CYRIB: variants seen among roughly 807,000 people sequenced by gnomAD.
CYRIB encodes CYFIP-related Rac1 interactor B.
CYRIB carries 8 observed loss-of-function variants against 44.2 expected under a neutral mutation model. That is an observed-to-expected ratio of 0.18 (90% CI 0.11 to 0.33). CYRIB has a LOEUF of 0.33. CYRIB is among the 10% of genes least tolerant of loss of function. The pLI, the probability that CYRIB is intolerant of heterozygous loss-of-function variation, is 1.00. For missense variants in CYRIB, 185 were observed against 382.8 expected (o/e 0.48, Z 4.31); for synonymous variants, 131 against 127.2 (o/e 1.03, Z -0.20).
chr8:129,951,320 A>T (rs544803643), intron 2 of CYRIB, among the ~76,000 whole-genome samples: 41 of 151,602 alleles, frequency 2.7e-4, no homozygotes, highest in Non-Finnish European at 5.0e-4. Context: ...AAAACAAAGC[A>T]AAAAAATAAT....
chr8:129,917,633 C>T (rs1381323008), intron 1 of CYRIB, among the ~76,000 whole-genome samples: 7 of 152,174 alleles, frequency 4.6e-5, no homozygotes, highest in African/African-American at 1.2e-4. Context: ...CCAAGGCGGG[C>T]GGATCATGAG....
intron 1 of CYRIB, among the ~76,000 whole-genome samples, chr8:129,933,185 A>G (rs183247018): frequency 6.6e-6 from 1 of 152,260 alleles, no homozygotes; most frequent in East Asian, 1.9e-4. Flanking sequence ...AATGACCCAA[A>G]GTGAATATAA....
chr8:129,977,593 G>T (rs1412795106), intron 1 of CYRIB, among the ~76,000 whole-genome samples: 2 of 150,606 alleles, frequency 1.3e-5, no homozygotes, highest in African/African-American at 4.9e-5. Flanking sequence ...GTGCAGTGGA[G>T]CGATCTCGGC....
chr8:129,943,451 A>G (rs532803730), upstream of CYRIB, among the ~76,000 whole-genome samples: 66 of 151,438 alleles, frequency 4.4e-4, no homozygotes, highest in African/African-American at 1.6e-3. Flanking sequence ...AAATTAACCA[A>G]ACATGGTGGC....
chr8:129,982,612 A>C (rs2096279549), intron 1 of CYRIB, among the ~76,000 whole-genome samples: 1 of 152,208 alleles, frequency 6.6e-6, no homozygotes, highest in South Asian at 2.1e-4. Flanking sequence ...TAATCCTCAC[A>C]AACTTACTTT....
intron 3 of CYRIB, among the ~76,000 whole-genome samples, chr8:129,872,095 T>C (rs996261811): frequency 6.6e-6 from 1 of 152,234 alleles, no homozygotes; most frequent in African/African-American, 2.4e-5. Flanking sequence ...AGGATATATA[T>C]ATCTAACAAC....
At chr8:129,969,519 C>G (rs2095612416) in intron 2 of CYRIB, among the ~76,000 whole-genome samples, 1 of 152,210 alleles carries the variant, frequency 6.6e-6, no homozygotes, top group Non-Finnish European at 1.5e-5. Context: ...AAAATTGTAT[C>G]TACTCAAGGG....
At chr8:129,869,042 A>G (rs910491706) in intron 4 of CYRIB, among the ~76,000 whole-genome samples, 2 of 144,106 alleles carry the variant, frequency 1.4e-5, no homozygotes, top group African/African-American at 5.2e-5. Context: ...AAAAAAGCCT[A>G]AGAGTTCTAT....
chr8:129,870,017 G>GA (rs943418731), intron 4 of CYRIB, among the ~76,000 whole-genome samples: 2 of 151,894 alleles, frequency 1.3e-5, no homozygotes, highest in Non-Finnish European at 2.9e-5. Context: ...ATGAAAGGAA[G>GA]GTCATTCCAG....
intron 1 of CYRIB, among the ~76,000 whole-genome samples, chr8:129,922,886 C>T (rs997298461): frequency 2.7e-5 from 4 of 149,152 alleles, no homozygotes; most frequent in Non-Finnish European, 5.9e-5. Flanking sequence ...AAAAAAGATG[C>T]TTTACTTTGT....
chr8:129,936,094 TGAAAAA>T (rs991325561), intron 1 of CYRIB, among the ~76,000 whole-genome samples: 46 of 152,170 alleles, frequency 3.0e-4, no homozygotes, highest in Non-Finnish European at 7.4e-5. Flanking sequence ...CCTTGGCAGC[TGAAAAA>T]GAAAAAGTTT....
chr8:130,016,506 G>T, upstream of CYRIB: 1 of 156,810 alleles, frequency 6.4e-6, no homozygotes, highest in South Asian at 1.6e-4. Flanking sequence ...CCCCCGCCGC[G>T]GCGGCAGCAG....
At position 129,879,592 on chromosome 8, in the gene CYRIB, G is replaced by T. The variant is rs902634767; in HGVS notation, c.-10-121C>A. The T allele has an allele frequency of 4.8e-5, 35 of 729,934 alleles. 1 individual carries two copies. The South Asian group carries it at 6.4e-4, about 13-fold the overall frequency. The allele number at this position is 729,934 out of a possible 1,614,324, so 45.2% of individuals were successfully genotyped here. On this transcript the variant is annotated intron_variant, in intron 2 of 11. Transcript: ENST00000519824. The stretch of plus-strand genomic sequence containing the variant: ...ATTAGGCCATGAATTCATTCTTCAG[G>T]TTACCCAGACTGTGCTCTGGCAGAC...
At chr8:129,992,842 G>C (rs542639951) in intron 1 of CYRIB, among the ~76,000 whole-genome samples, 36 of 152,298 alleles carry the variant, frequency 2.4e-4, no homozygotes, top group African/African-American at 8.7e-4. Context: ...AAAGCAAATG[G>C]CCTGAACCTG....
At chr8:130,014,386 C>T (rs1039496059) in intron 1 of CYRIB, among the ~76,000 whole-genome samples, 1 of 152,168 alleles carries the variant, frequency 6.6e-6, no homozygotes, top group East Asian at 1.9e-4. Context: ...GACATGATCA[C>T]GCTACTTCTG....
At position 129,952,016 on chromosome 8, in the gene CYRIB, A is replaced by G. The variant is rs2094528769; in HGVS notation, c.-243+18927T>C. Among the ~76,000 whole-genome samples the G allele has an allele frequency of 2.6e-5, 4 of 151,324 alleles. No individual in the cohort carries two copies. In the South Asian group the frequency reaches 6.3e-4, roughly 24 times the overall value. ...AAAAGAACAAAGTACAAAACTACAT[A>G]TATCATAAAATGCAAAAATTACCTT... is the stretch of plus-strand genomic sequence containing the variant. On this transcript the variant is annotated intron_variant, in intron 2 of 14. Transcript: ENST00000401979.
Position 129,919,828 on chromosome 8 carries a change from A to C in CYRIB, c.-49-16478T>G, listed in dbSNP as rs573430905. On this transcript the variant is annotated intron_variant, in intron 1 of 11. Coordinates refer to ENST00000519824, the Ensembl canonical transcript of CYRIB. Reference sequence around the variant, plus strand: ...AACAATGGGGTAACATAATAAAATAATACTAAAATCCTTAAGAAAAAGGCT... The same window carrying C: ...AACAATGGGGTAACATAATAAAATACTACTAAAATCCTTAAGAAAAAGGCT... Among the ~76,000 whole-genome samples the C allele has an allele frequency of 3.3e-5, 5 of 152,338 alleles. No individual in the cohort carries two copies. The South Asian group carries it at 8.3e-4, about 25-fold the overall frequency.
intron 4 of CYRIB, among the ~76,000 whole-genome samples, chr8:129,868,253 C>CA (rs2054949632): frequency 6.6e-6 from 1 of 152,170 alleles, no homozygotes; most frequent in Admixed American, 6.5e-5. Context: ...AACTTCTCAA[C>CA]AAAAATTTCA....
chr8:129,923,359 C>T (rs1394206300), intron 1 of CYRIB, among the ~76,000 whole-genome samples: 1 of 151,922 alleles, frequency 6.6e-6, no homozygotes, highest in Non-Finnish European at 1.5e-5. Context: ...ACTGCAACCT[C>T]TGCCTCCCAG....
Sources: gnomAD v4.1 joint callset for allele counts (sites outside exome capture counted in the v4.1 genomes callset) on GRCh38, gnomAD v4.1.1 for gene constraint, MANE v1.5 for transcripts, NCBI Gene and HGNC (gene_info 2026-07-23, HGNC 2026-07-21) for gene names.